Variants in NOS1 observed in about 807,000 individuals in gnomAD.
NOS1 encodes the protein NOS type I.
In NOS1, 51 loss-of-function variants were observed where a neutral mutation model predicts 164.5. The ratio of observed to expected loss-of-function variants is 0.31; its 90% CI spans 0.25 to 0.39. NOS1 has a LOEUF of 0.39. Ranked by LOEUF, NOS1 falls within the 10% of genes least tolerant of loss-of-function variation. The pLI is 1.00. For synonymous variants in NOS1, 719 were observed against 745.8 expected, an observed-to-expected ratio of 0.96 and a Z score of 0.59; for missense variants, 1,362 against 1,885.6, an observed-to-expected ratio of 0.72 and a Z score of 5.14.
At chr12:117,295,987 C>T (rs1205495573) in intron 3 of NOS1, among the ~76,000 whole-genome samples, 2 of 152,040 alleles carry the variant, frequency 1.3e-5, no homozygotes, top group Admixed American at 1.3e-4. Context: ...ATCACCCTTA[C>T]CATGCTTTGT....
In NOS1 at chr12:117,212,111, T is replaced by C. The variant is rs1956537414; in HGVS notation, c.*3198A>G. ...CTTCTGCACGAGAGGAACTGTGTTT[T>C]GCTTATCTCTGCAAACTGCCCGGTG... is the stretch of plus-strand genomic sequence containing the variant. On this transcript the variant is annotated 3_prime_UTR_variant, in exon 29 of 29. Coordinates refer to ENST00000317775, the MANE Select transcript of NOS1 (RefSeq NM_000620.5). 1.0e-6 allele frequency: 1 copy of C among 985,254 alleles called. No homozygotes were observed. Among genetic ancestry groups the C allele is most frequent in the African/African-American group, 1.7e-5 (1 of 57,222 alleles). The allele number at this position is 985,254 out of a possible 1,614,324, so 61.0% of individuals were successfully genotyped here. A position where few individuals can be genotyped will look rare whatever the true frequency, so the allele number is the denominator to read the frequency against.
rs41347148 is a variant in NOS1, at chr12:117,290,403, G to A, written c.876C>T (p.Ser292=). The part of the protein sequence containing the change: ...KEQPPTSGKQ[S]PTKNGSPSKC... Reference sequence around the variant, plus strand: ...TGGAGGGGCTGCCATTCTTTGTGGGGGACTGTTTTCCTGAGGTGGGGGGCT... The same window carrying A: ...TGGAGGGGCTGCCATTCTTTGTGGGAGACTGTTTTCCTGAGGTGGGGGGCT... Residue 292 remains serine (S), a synonymous_variant, in exon 4 of 29, where the codon TCC becomes TCT. Transcript: ENST00000317775. 5.1e-5 allele frequency: 82 copies of A among 1,613,376 alleles called. No homozygotes were observed. The highest frequency in any genetic ancestry group is 1.7e-4 in the Middle Eastern group (1 of 6,000).
At chr12:117,224,883 T>TAC (rs1255888583) in intron 25 of NOS1, 133 bp downstream of exon 25, 2 of 1,172,806 alleles carry the variant, frequency 1.7e-6, no homozygotes, top group African/African-American at 3.0e-5. Flanking sequence ...AGGCTGGTGC[T>TAC]ACACGCCCCA....
chr12:117,269,421 T>C lies in NOS1; in HGVS notation c.1840-1277A>G, dbSNP rs181686315. 7.3e-4 allele frequency among the ~76,000 whole-genome samples: 111 copies of C among 151,034 alleles called. 1 individual carries two copies. The highest frequency in any genetic ancestry group is 1.2e-3 in the Non-Finnish European group (83 of 67,882). ...GACATGCCAAGGAGTCAGGATGTTA[T>C]TCCAGATGTGACGGGCCCAGGGGGC... is the stretch of plus-strand genomic sequence containing the variant. On this transcript the variant is annotated intron_variant, in intron 10 of 28. Transcript: ENST00000317775.
intron 2 of NOS1, among the ~76,000 whole-genome samples, chr12:117,319,045 G>C (rs540032655): frequency 6.6e-6 from 1 of 152,280 alleles, no homozygotes; most frequent in East Asian, 1.9e-4. Flanking sequence ...GGAAGTTCTT[G>C]TTAAACAGAA....
At chr12:117,357,969 A>AAATTCCAGTTTCT (rs1876930192) in intron 1 of NOS1, among the ~76,000 whole-genome samples, 1 of 152,166 alleles carries the variant, frequency 6.6e-6, no homozygotes, top group African/African-American at 2.4e-5. Flanking sequence ...CAACTTCCAC[A>AAATTCCAGTTTCT]AATTCCAGTT....
chr12:117,258,374 C>T (rs371455302), intron 16 of NOS1, 23 bp downstream of exon 16: 117 of 1,613,342 alleles, frequency 7.3e-5, no homozygotes, highest in Non-Finnish European at 8.6e-5. Context: ...TGGCGGGTGA[C>T]GTCGGAGGGG....
In NOS1 at chr12:117,209,818, A is replaced by G. The variant is rs1215644693; in HGVS notation, c.*5491T>C. 2.0e-6 allele frequency: 2 copies of G among 985,350 alleles called. No individual in the cohort carries two copies. Among genetic ancestry groups the G allele is most frequent in the Admixed American group, 1.2e-4 (2 of 16,258 alleles). The allele number at this position is 985,350 out of a possible 1,614,324, so 61.0% of individuals were successfully genotyped here. On this transcript the variant is annotated 3_prime_UTR_variant, in exon 29 of 29. Coordinates refer to ENST00000317775, the MANE Select transcript of NOS1 (RefSeq NM_000620.5). ...GGCAGGGACTGGCAGTGGGCCAAGG[A>G]TAGGGAGTGTGAGATAAAGGGCAGA... is the stretch of plus-strand genomic sequence containing the variant.
intron 11 of NOS1, among the ~76,000 whole-genome samples, chr12:117,265,823 C>T (rs1872351904): frequency 6.6e-6 from 1 of 151,678 alleles, no homozygotes; most frequent in African/African-American, 2.4e-5. Context: ...CGGAGTCTTG[C>T]TCTATCACCC....
At chr12:117,313,331 G>T (rs190813812) in intron 2 of NOS1, among the ~76,000 whole-genome samples, 1 of 152,236 alleles carries the variant, frequency 6.6e-6, no homozygotes, top group East Asian at 1.9e-4. Flanking sequence ...GTCTCGCCCT[G>T]TTACCCAGGC....
chr12:117,337,114 T>A lies in NOS1; in HGVS notation c.-420-5625A>T, dbSNP rs944957123. 2.3e-4 allele frequency among the ~76,000 whole-genome samples: 24 copies of A among 104,398 alleles called. No individual in the cohort carries two copies. The East Asian group carries it at 7.6e-3, about 33-fold the overall frequency. The allele number at this position is 104,398 out of a possible 152,430, so 68.5% of individuals were successfully genotyped here. A position where few individuals can be genotyped will look rare whatever the true frequency, so the allele number is the denominator to read the frequency against. On this transcript the variant is annotated intron_variant, in intron 1 of 28. Transcript: ENST00000317775. ...CCCAGCTGCTTTTTACTCTTTTTTTTTTTTTTTTTTTTTTTTTTTGAGACG... is the reference window on the plus strand; with the variant it reads ...CCCAGCTGCTTTTTACTCTTTTTTTATTTTTTTTTTTTTTTTTTTGAGACG...
chr12:117,334,021 C>T (rs1475861567), intron 1 of NOS1, among the ~76,000 whole-genome samples: 4 of 152,194 alleles, frequency 2.6e-5, no homozygotes, highest in African/African-American at 7.2e-5. Flanking sequence ...GAGGCAAGGC[C>T]CCCAAGCTGA....
At chr12:117,278,285 T>G (rs905130676) in intron 8 of NOS1, among the ~76,000 whole-genome samples, 187 bp from the exon 9 acceptor site, 1 of 152,318 alleles carries the variant, frequency 6.6e-6, no homozygotes, top group Non-Finnish European at 1.5e-5. Context: ...ATGTATTAGG[T>G]TGGTGCAAAA....
At chr12:117,345,314 C>T (rs1007592781) in intron 1 of NOS1, among the ~76,000 whole-genome samples, 14 of 152,260 alleles carry the variant, frequency 9.2e-5, no homozygotes, top group African/African-American at 2.9e-4. Flanking sequence ...TGAGCCACCG[C>T]GCCCGGCTGC....
At chr12:117,266,998 C>T (rs1433665730) in intron 11 of NOS1, among the ~76,000 whole-genome samples, 1 of 152,178 alleles carries the variant, frequency 6.6e-6, no homozygotes, top group Non-Finnish European at 1.5e-5. Flanking sequence ...CAACTTGTCC[C>T]TTCCCTTTGA....
chr12:117,242,957 G>A (rs1870304612), intron 19 of NOS1, among the ~76,000 whole-genome samples: 2 of 152,216 alleles, frequency 1.3e-5, no homozygotes, highest in Non-Finnish European at 2.9e-5. Context: ...GCTCTCTGGA[G>A]TAGAATGAGA....
chr12:117,237,572 T>C (rs1361425221), intron 20 of NOS1, among the ~76,000 whole-genome samples: 1 of 152,098 alleles, frequency 6.6e-6, no homozygotes, highest in African/African-American at 2.4e-5. Context: ...GTGTGACTTA[T>C]GTCTAGCCAC....
At chr12:117,285,531 GAA>G (rs57100884) in intron 6 of NOS1, among the ~76,000 whole-genome samples, 199 bp from the exon 7 acceptor site, 52,407 of 142,084 alleles carry the variant, frequency 0.37, 9,361 homozygotes, top group Middle Eastern at 0.42. Flanking sequence ...AATTTGACCA[GAA>G]AAAAAAAAAA....
chr12:117,211,005 G>A lies in NOS1; in HGVS notation c.*4304C>T, dbSNP rs1956519206. 4 of 876,204 alleles carry A rather than the reference G, an allele frequency of 4.6e-6. No individual in the cohort carries two copies. The highest frequency in any genetic ancestry group is 6.2e-5 in the Admixed American group (1 of 16,106). The allele number at this position is 876,204 out of a possible 1,614,324, so 54.3% of individuals were successfully genotyped here. ...AGAGTCTTGCTCTGTCACCCAGGCT[G>A]GAGTGCAGTGGTACAATCTTGGCTC... On this transcript the variant is annotated 3_prime_UTR_variant, in exon 29 of 29. Transcript: ENST00000317775.
Sources: gnomAD v4.1 joint callset for allele counts (sites outside exome capture counted in the v4.1 genomes callset) on GRCh38, gnomAD v4.1.1 for gene constraint, MANE v1.5 for transcripts, NCBI Gene and HGNC (gene_info 2026-07-23, HGNC 2026-07-21) for gene names.